THUMPD2: variants seen among roughly 807,000 people sequenced by gnomAD.
The protein encoded by THUMPD2 is THUMP domain 2 tRNA and snRNA guanosine methyltransferase.
Under a neutral mutation model 49.4 loss-of-function variants are expected in THUMPD2, and 56 were observed. That is an observed-to-expected ratio of 1.13 (90% CI 0.91 to 1.41). THUMPD2 has a LOEUF of 1.41. Among genes scored for constraint, THUMPD2 ranks in the 40% most tolerant of loss-of-function variants. THUMPD2 has a pLI of 0.00. For missense variants in THUMPD2, 709 were observed against 594.5 expected (o/e 1.19, Z -2.00); for synonymous variants, 237 against 205.2 (o/e 1.15, Z -1.32).
At chr2:39,761,268 G>T in intron 6 of THUMPD2, 63 bp downstream of exon 6, 1 of 1,389,004 alleles carries the variant, frequency 7.2e-7, no homozygotes, top group Non-Finnish European at 1.0e-6. Flanking sequence ...ATCAATAAGA[G>T]ACTGTATAAG....
chr2:39,761,240 C>T, intron 6 of THUMPD2, 91 bp downstream of exon 6: 1 of 1,137,526 alleles, frequency 8.8e-7, no homozygotes, highest in Non-Finnish European at 1.3e-6. Flanking sequence ...AAAGAAAAAG[C>T]AAGTAACATA....
At chr2:39,774,440 A>C (rs1283988518) in intron 1 of THUMPD2, among the ~76,000 whole-genome samples, 1 of 152,262 alleles carries the variant, frequency 6.6e-6, no homozygotes, top group Non-Finnish European at 1.5e-5. Flanking sequence ...TATGGTAAAA[A>C]TGATTTAATT....
chr2:39,759,122 G>A (rs1358608072), intron 6 of THUMPD2, among the ~76,000 whole-genome samples: 1 of 152,082 alleles, frequency 6.6e-6, no homozygotes, highest in Non-Finnish European at 1.5e-5. Context: ...AGACTTGGAG[G>A]ATAGAGCCAG....
intron 8 of THUMPD2, among the ~76,000 whole-genome samples, chr2:39,745,132 C>T (rs1674399958): frequency 1.3e-5 from 2 of 152,124 alleles, no homozygotes; most frequent in Admixed American, 1.3e-4. Flanking sequence ...ATGTACTTTC[C>T]ACTTTTTACT....
At chr2:39,755,844 AT>A in intron 7 of THUMPD2, 44 bp downstream of exon 7, 1 of 1,508,270 alleles carries the variant, frequency 6.6e-7, no homozygotes, top group Non-Finnish European at 9.2e-7. Flanking sequence ...ACATATACTG[AT>A]TAAAGTAGAT....
At chr2:39,750,505 G>T (rs1249237738) in intron 8 of THUMPD2, among the ~76,000 whole-genome samples, 1 of 152,074 alleles carries the variant, frequency 6.6e-6, no homozygotes, top group Non-Finnish European at 1.5e-5. Context: ...TCAGGAGTTT[G>T]CGACCAGCCT....
At chr2:39,754,654 G>A (rs988779660) in intron 8 of THUMPD2, among the ~76,000 whole-genome samples, 7 of 152,098 alleles carry the variant, frequency 4.6e-5, no homozygotes, top group African/African-American at 1.7e-4. Context: ...TTGTCTAAAC[G>A]CCAGGGATCT....
At chr2:39,771,467 A>G in intron 2 of THUMPD2, 38 bp downstream of exon 2, 1 of 1,561,542 alleles carries the variant, frequency 6.4e-7, no homozygotes, top group Non-Finnish European at 8.6e-7. Flanking sequence ...ACAATGTATC[A>G]TGTGGGTAAA....
At chr2:39,778,802 G>T (rs1470282896) in intron 1 of THUMPD2, among the ~76,000 whole-genome samples, 2 of 152,230 alleles carry the variant, frequency 1.3e-5, no homozygotes, top group Non-Finnish European at 2.9e-5. Flanking sequence ...TTCTAACTCT[G>T]ACAGGCCAGA....
At chr2:39,769,616 C>T (rs890117192) in intron 3 of THUMPD2, 94 bp downstream of exon 3, 44 of 1,293,300 alleles carry the variant, frequency 3.4e-5, no homozygotes, top group Non-Finnish European at 4.4e-5. Flanking sequence ...GCAAAAGAAT[C>T]ACCTGAACCT....
intron 2 of THUMPD2, among the ~76,000 whole-genome samples, chr2:39,770,998 C>G (rs1273126896): frequency 1.3e-5 from 2 of 151,882 alleles, no homozygotes; most frequent in Non-Finnish European, 2.9e-5. Flanking sequence ...AGAGAGTGGA[C>G]AAGGAATCTC....
chr2:39,769,747 C>T lies in THUMPD2; in HGVS notation c.635G>A (p.Arg212His), dbSNP rs530999776. Residue 212 changes from arginine to histidine, a missense_variant, in exon 3 of 10, where the codon CGC becomes CAC. Arg to His is a conservative substitution (Grantham distance 29). Transcript: ENST00000505747. The stretch of plus-strand genomic sequence containing the variant: ...GGCCTTTCCAATAGTTCCACTGCAG[C>T]GACAAGATACTCTGAAAGTCAAGTC... Reference protein sequence around the residue: ...QNDLTFRVSCRCSGTIGKAFT... With the variant: ...QNDLTFRVSCHCSGTIGKAFT... 2.9e-5 allele frequency: 46 copies of T among 1,582,872 alleles called. No homozygotes were observed. In the South Asian group the frequency reaches 3.3e-4, roughly 11 times the overall value.
intron 8 of THUMPD2, among the ~76,000 whole-genome samples, chr2:39,753,716 C>T (rs568650949): frequency 1.3e-5 from 2 of 152,188 alleles, no homozygotes; most frequent in African/African-American, 2.4e-5. Flanking sequence ...TAGTCCACAT[C>T]CAATCTGACA....
intron 8 of THUMPD2, among the ~76,000 whole-genome samples, chr2:39,750,331 G>A (rs367819560): frequency 2.0e-5 from 3 of 152,150 alleles, no homozygotes. Flanking sequence ...GTTTTGATTC[G>A]CATTTCTCTA....
intron 5 of THUMPD2, among the ~76,000 whole-genome samples, chr2:39,762,156 T>C (rs2148296835): frequency 6.6e-6 from 1 of 152,274 alleles, no homozygotes; most frequent in South Asian, 2.1e-4. Flanking sequence ...TCCAAGCTTT[T>C]CTAGTTCACT....
At chr2:39,752,345 A>T (rs1675519500) in intron 8 of THUMPD2, among the ~76,000 whole-genome samples, 1 of 152,202 alleles carries the variant, frequency 6.6e-6, no homozygotes, top group Non-Finnish European at 1.5e-5. Flanking sequence ...ACGATGGTGG[A>T]GCTAGGATTT....
intron 6 of THUMPD2, among the ~76,000 whole-genome samples, chr2:39,759,954 G>C (rs772759129): frequency 2.0e-5 from 3 of 152,196 alleles, no homozygotes; most frequent in African/African-American, 4.8e-5. Context: ...GCCTCAAACA[G>C]GGCAAGACAA....
At position 39,768,460 on chromosome 2, in the gene THUMPD2, A is replaced by G. The variant is rs1486908257; in HGVS notation, c.714T>C (p.Phe238=). The G allele has an allele frequency of 1.2e-6, 2 of 1,613,116 alleles. No individual in the cohort carries two copies. The highest frequency in any genetic ancestry group is 4.5e-5 in the East Asian group (2 of 44,794). ...GATTCCTCAAGTCTGCTTTCCATCC[A>G]AAGTGTTTCATAATAGCAATTCCAA... ...KVIGIAIMKH[F]GWKADLRNPQ... Residue 238 remains phenylalanine (F), a synonymous_variant, in exon 4 of 10, where the codon TTT becomes TTC. Transcript: ENST00000505747.
chr2:39,736,345 C>A lies in THUMPD2; in HGVS notation c.*390G>T. ...TCAAGTTTAATATCAAAAGAAGTTA[C>A]ACATAAAGGTTTTTACATTTCCGAA... On this transcript the variant is annotated 3_prime_UTR_variant, in exon 10 of 10. Coordinates refer to ENST00000505747, the MANE Select transcript of THUMPD2 (RefSeq NM_025264.5). 6.3e-6 allele frequency: 1 copy of A among 157,816 alleles called. No homozygotes were observed. Among genetic ancestry groups the A allele is most frequent in the African/African-American group, 2.4e-5 (1 of 41,724 alleles). The allele number at this position is 157,816 out of a possible 1,614,324, so 9.8% of individuals were successfully genotyped here.
Sources: allele counts gnomAD v4.1 joint callset (sites outside exome capture counted in the v4.1 genomes callset), GRCh38; gene constraint gnomAD v4.1.1; transcripts MANE v1.5; gene names NCBI Gene and HGNC (gene_info 2026-07-23, HGNC 2026-07-21).